MAP2K7: variants seen among roughly 807,000 people sequenced by gnomAD.
The protein encoded by MAP2K7 is mitogen-activated protein kinase kinase 7.
Under a neutral mutation model 47.7 loss-of-function variants are expected in MAP2K7, and 12 were observed. The ratio of observed to expected loss-of-function variants is 0.25; its 90% confidence interval spans 0.16 to 0.41. The LOEUF is 0.41. MAP2K7 is among the 10% of genes least tolerant of loss of function. The pLI is 1.00. For missense variants in MAP2K7, 415 were observed against 600.3 expected, an observed-to-expected ratio of 0.69 and a Z score of 3.23; for synonymous variants, 299 against 243.0, an observed-to-expected ratio of 1.23 and a Z score of -2.14.
chr19:7,912,034 C>T, intron 9 of MAP2K7, 115 bp from the exon 10 acceptor site: 1 of 906,142 alleles, frequency 1.1e-6, no homozygotes, highest in Admixed American at 2.0e-5. Context: ...ACAGCTCCTT[C>T]CCCCACACAC....
intron 1 of MAP2K7, chr19:7,905,705 C>T: frequency 1.9e-6 from 2 of 1,029,718 alleles, no homozygotes; most frequent in South Asian, 1.3e-5. Flanking sequence ...GGTGCCTCCC[C>T]CTCCTCCTCG....
chr19:7,910,581 C>T lies in MAP2K7; in HGVS notation c.567+9C>T. 1 of 1,613,424 alleles carries T rather than the reference C, an allele frequency of 6.2e-7. No homozygotes were observed. The highest frequency in any genetic ancestry group is 8.5e-7 in the Non-Finnish European group (1 of 1,179,932). The stretch of plus-strand genomic sequence containing the variant: ...GGACGTTCATCACCAACGTGAGTAC[C>T]TGGCCGCGCCCTGCAGCGTCTCCTC... On this transcript the variant is annotated intron_variant, in intron 5 of 10. Transcript: ENST00000397979.
At chr19:7,905,951 G>C in intron 1 of MAP2K7, 2 of 1,075,650 alleles carry the variant, frequency 1.9e-6, no homozygotes, top group Non-Finnish European at 2.9e-6. Context: ...CCCATGCTCT[G>C]TGTGTGTCCC....
Position 7,912,648 on chromosome 19 carries a change from C to T in MAP2K7, c.*217C>T. ...CGGGGTCAGCCGGCCGTGTGCGTCC[C>T]CCGACAGACACTGTGAACGGAAGAC... On this transcript the variant is annotated 3_prime_UTR_variant, in exon 11 of 11. Transcript: ENST00000397979. 1.7e-6 allele frequency: 1 copy of T among 596,634 alleles called. No homozygotes were observed. Among genetic ancestry groups the T allele is most frequent in the East Asian group, 2.8e-5 (1 of 35,254 alleles). The allele number at this position is 596,634 out of a possible 1,614,324, so 37.0% of individuals were successfully genotyped here.
In MAP2K7 at chr19:7,906,084, C is replaced by T. The variant is rs965502713; in HGVS notation, c.124+2016C>T. 53 of 576,688 alleles carry T rather than the reference C, an allele frequency of 9.2e-5. 1 individual carries two copies. The highest frequency in any genetic ancestry group is 8.8e-4 in the East Asian group (31 of 35,160). The allele number at this position is 576,688 out of a possible 1,614,324, so 35.7% of individuals were successfully genotyped here. On this transcript the variant is annotated intron_variant, in intron 1 of 10. Transcript: ENST00000397979. ...CCCTTACTCCCAGCTCCACTTTGGA[C>T]TCCCTGGAGGAGGAGGTGGGCTCCC...
intron 1 of MAP2K7, among the ~76,000 whole-genome samples, chr19:7,909,158 G>A (rs1162899362): frequency 6.6e-6 from 1 of 152,232 alleles, no homozygotes; most frequent in East Asian, 1.9e-4. Flanking sequence ...GGCCAGGCCA[G>A]GAGGCCCTCA....
At position 7,912,397 on chromosome 19, in the gene MAP2K7, T is replaced by C. The variant is rs1173924867; in HGVS notation, c.1226T>C (p.Val409Ala). ...AKTESPRTSG[V>A]LSQPHLPFFR ...ACTGAGTCACCGCGGACTAGCGGCGTCCTGAGCCAGCCCCACCTGCCCTTC... is the reference window on the plus strand; with the variant it reads ...ACTGAGTCACCGCGGACTAGCGGCGCCCTGAGCCAGCCCCACCTGCCCTTC... The change falls in exon 11 of 11, where the codon GTC (valine) becomes GCC (alanine). Residue 409 changes from valine (V) to alanine (A), a missense_variant. Physicochemically the swap from Val to Ala is moderately conservative, Grantham distance 64. Around this residue, in one of 3 missense-constraint regions of MAP2K7, gnomAD observed 94 missense variants for 105.2 expected, o/e 0.89. Coordinates refer to ENST00000397979, the MANE Select transcript of MAP2K7 (RefSeq NM_145185.4). The C allele has an allele frequency of 1.2e-6, 2 of 1,612,568 alleles. No homozygotes were observed. The highest frequency in any genetic ancestry group is 4.5e-5 in the East Asian group (2 of 44,848).
chr19:7,905,784 T>C, intron 1 of MAP2K7: 1 of 1,606,916 alleles, frequency 6.2e-7, no homozygotes, highest in South Asian at 1.1e-5. Context: ...TGGTGTTGTT[T>C]TTTTCTTCCT....
In MAP2K7 at chr19:7,910,963, C is replaced by A. The variant is rs566623799; in HGVS notation, c.676-17C>A. 3.1e-6 allele frequency: 5 copies of A among 1,601,934 alleles called. No individual in the cohort carries two copies. Among genetic ancestry groups the A allele is most frequent in the South Asian group, 1.1e-5 (1 of 90,596 alleles). On this transcript the variant is annotated splice_polypyrimidine_tract_variant and intron_variant, in intron 6 of 10. Coordinates refer to ENST00000397979, the MANE Select transcript of MAP2K7 (RefSeq NM_145185.4). ...CTGTGCCCCCTGCCACATGCACCCCCCTCTGCGTGCCTGCAGATTGTGAAG... is the reference window on the plus strand; with the variant it reads ...CTGTGCCCCCTGCCACATGCACCCCACTCTGCGTGCCTGCAGATTGTGAAG...
intron 8 of MAP2K7, 30 bp from the exon 9 acceptor site, chr19:7,911,406 C>T (rs1319024938): frequency 1.2e-6 from 2 of 1,613,078 alleles, no homozygotes; most frequent in Admixed American, 3.3e-5. Context: ...AGAACATAAA[C>T]CTGTCCAGCC....
chr19:7,911,531 C>T lies in MAP2K7; in HGVS notation c.1032C>T (p.Pro344=), dbSNP rs201502330. Reference sequence around the variant, plus strand: ...TACAGGAAGAGCCCCCGCTTCTGCCCGGACACATGGGCTTCTCGGGGGACT... The same window carrying T: ...TACAGGAAGAGCCCCCGCTTCTGCCTGGACACATGGGCTTCTCGGGGGACT... The part of the protein sequence containing the change: ...KVLQEEPPLL[P]GHMGFSGDFQ... Residue 344 remains proline (P), a synonymous_variant, in exon 9 of 11, where the codon CCC becomes CCT. Coordinates refer to ENST00000397979, the MANE Select transcript of MAP2K7 (RefSeq NM_145185.4). 5.0e-5 allele frequency: 80 copies of T among 1,610,942 alleles called. No homozygotes were observed. The highest frequency in any genetic ancestry group is 8.9e-5 in the East Asian group (4 of 44,766).
chr19:7,912,131 T>C lies in MAP2K7; in HGVS notation c.1080-18T>C, dbSNP rs111618008. The C allele has an allele frequency of 3.5e-3, 5,572 of 1,613,404 alleles. 145 individuals carry two copies. The African/African-American group carries it at 0.063, about 18-fold the overall frequency. On this transcript the variant is annotated intron_variant, in intron 9 of 10. Transcript: ENST00000397979. ...TCCTCCCTCGTTCTCACATCTGTCT[T>C]CCCTTCTCTTGCTCTAGCCTTACTA...
intron 1 of MAP2K7, 116 bp downstream of exon 1, chr19:7,904,184 C>T (rs549819594): frequency 1.0e-4 from 87 of 841,452 alleles, no homozygotes; most frequent in Admixed American, 2.0e-4. Flanking sequence ...GCTCTCCTCT[C>T]CGCCCCCCCC....
chr19:7,909,127 C>G (rs1255474633), intron 1 of MAP2K7, among the ~76,000 whole-genome samples: 3 of 152,216 alleles, frequency 2.0e-5, no homozygotes, highest in African/African-American at 2.4e-5. Flanking sequence ...CTGTCCTGCC[C>G]CCATGGGCCC....
rs1982759144 is a variant in MAP2K7 at position 7,910,489 on chromosome 19, C to T, written c.484C>T (p.Arg162Cys). Reference sequence around the variant, plus strand: ...CTCCGGGAACAAGGAGGAGAACAAGCGCATCCTCATGGACCTGGATGTGGT... The same window carrying T: ...CTCCGGGAACAAGGAGGAGAACAAGTGCATCCTCATGGACCTGGATGTGGT... ...RRSGNKEENK[R>C]ILMDLDVVLK... is the part of the protein sequence containing the mutation. Residue 162 changes from arginine to cysteine, a missense_variant, in exon 5 of 11, where the codon CGC becomes TGC. Arg to Cys is a radical substitution (Grantham distance 180, BLOSUM62 -3). Around this residue, in one of 3 missense-constraint regions of MAP2K7, gnomAD observed 206 missense variants for 368.8 expected, o/e 0.56. Coordinates refer to ENST00000397979, the MANE Select transcript of MAP2K7 (RefSeq NM_145185.4). 2 of 1,612,280 alleles carry T rather than the reference C, an allele frequency of 1.2e-6. No homozygotes were observed. The highest frequency in any genetic ancestry group is 2.2e-5 in the East Asian group (1 of 44,802).
At position 7,904,454 on chromosome 19, in the gene MAP2K7, C is replaced by T. The variant is rs762798084; in HGVS notation, c.124+386C>T. On this transcript the variant is annotated intron_variant, in intron 1 of 10. Transcript: ENST00000397979. ...GCTACCACTCTCGTCATCTCAGGGA[C>T]TGTCTGGCGCCCCCCTCCCCCGGCC... is the stretch of plus-strand genomic sequence containing the variant. 1.8e-5 allele frequency: 7 copies of T among 379,134 alleles called. 1 individual carries two copies. The highest frequency in any genetic ancestry group is 1.2e-4 in the South Asian group (7 of 56,076). 23.5% of individuals were successfully genotyped at this position (379,134 alleles called of 1,614,324 possible).
rs961787438 is a variant in MAP2K7, at chr19:7,910,968, G to A, written c.676-12G>A. 1 of 1,602,914 alleles carries A rather than the reference G, an allele frequency of 6.2e-7. No individual in the cohort carries two copies. Among genetic ancestry groups the A allele is most frequent in the Non-Finnish European group, 8.5e-7 (1 of 1,172,084 alleles). Reference sequence around the variant, plus strand: ...CCCCCTGCCACATGCACCCCCCTCTGCGTGCCTGCAGATTGTGAAGGCGCT... The same window carrying A: ...CCCCCTGCCACATGCACCCCCCTCTACGTGCCTGCAGATTGTGAAGGCGCT... On this transcript the variant is annotated splice_polypyrimidine_tract_variant and intron_variant, in intron 6 of 10. Transcript: ENST00000397979.
rs1308848837 is a variant in MAP2K7, at chr19:7,909,826, A to C, written c.196A>C (p.Thr66Pro). 1.9e-6 allele frequency: 3 copies of C among 1,539,796 alleles called. No individual in the cohort carries two copies. Among genetic ancestry groups the C allele is most frequent in the Non-Finnish European group, 8.7e-7 (1 of 1,144,062 alleles). ...CTCAGAGAGCTCCCCGCAGCACCCC[A>C]CGCCCCCCGCCCGGCCCCGCCACAT... The part of the protein sequence containing the change: ...PSSESSPQHP[T>P]PPARPRHMLG... The change falls in exon 2 of 11, where the codon ACG (threonine) becomes CCG (proline). Residue 66 changes from threonine to proline, a missense_variant. Coordinates refer to ENST00000397979, the MANE Select transcript of MAP2K7 (RefSeq NM_145185.4).
Position 7,911,165 on chromosome 19 carries a change from TGGGGGCCCCCCAGC to T in MAP2K7, c.855+12_855+25del. 1 of 1,557,044 alleles carries T rather than the reference TGGGGGCCCCCCAGC, an allele frequency of 6.4e-7. No individual in the cohort carries two copies. Among genetic ancestry groups the T allele is most frequent in the Non-Finnish European group, 8.7e-7 (1 of 1,149,724 alleles). The stretch of plus-strand genomic sequence containing the variant: ...GCTGTGCCGCCTACATGGCAGTGAG[TGGGGGCCCCCCAGC>T]GGGGGAGGGGGTGGGGGCTGGGAGG... On this transcript the variant is annotated splice_region_variant and intron_variant, in intron 7 of 10. Transcript: ENST00000397979.
Sources: allele counts gnomAD v4.1 joint callset (sites outside exome capture counted in the v4.1 genomes callset), GRCh38; gene constraint gnomAD v4.1.1; regional missense constraint gnomAD v4.1.1; transcripts MANE v1.5; gene names NCBI Gene and HGNC (gene_info 2026-07-23, HGNC 2026-07-21).